NFIA: variants seen among roughly 807,000 people sequenced by gnomAD.
NFIA encodes the protein nuclear factor I A, also known as nuclear factor 1 A-type.
A neutral mutation model predicts 62.8 loss-of-function variants in NFIA; 8 were observed. That is an observed-to-expected ratio of 0.13 (90% CI 0.07 to 0.23). NFIA has a LOEUF of 0.23. Ranked by LOEUF, NFIA falls within the 10% of genes least tolerant of loss-of-function variation. NFIA has a pLI of 1.00. For missense variants in NFIA, 410 were observed against 642.1 expected, an observed-to-expected ratio of 0.64 and a Z score of 3.91; for synonymous variants, 235 against 238.1, an observed-to-expected ratio of 0.99 and a Z score of 0.12.
At chr1:61,286,301 G>T (rs1004062492) in intron 3 of NFIA, among the ~76,000 whole-genome samples, 1 of 151,702 alleles carries the variant, frequency 6.6e-6, no homozygotes, top group South Asian at 2.1e-4. Context: ...GGTTGCAGGC[G>T]CCTGTAGTCC....
intron 10 of NFIA, among the ~76,000 whole-genome samples, chr1:61,447,134 A>T (rs1044598823): frequency 6.6e-6 from 1 of 151,732 alleles, no homozygotes; most frequent in Non-Finnish European, 1.5e-5. Context: ...TGCCAAAAAA[A>T]TTTAAAAAAA....
intron 2 of NFIA, among the ~76,000 whole-genome samples, chr1:61,105,934 C>T (rs1453619362): frequency 1.3e-5 from 2 of 151,502 alleles, no homozygotes; most frequent in Admixed American, 6.6e-5. Context: ...CCTTGACTGT[C>T]GTGTGCCACT....
At chr1:61,308,805 TC>T in intron 3 of NFIA, among the ~76,000 whole-genome samples, 1 of 152,332 alleles carries the variant, frequency 6.6e-6, no homozygotes, top group Non-Finnish European at 1.5e-5. Flanking sequence ...CTATTGCTGT[TC>T]CTGCTGTTGT....
chr1:61,402,974 T>A (rs1250664588), intron 7 of NFIA, among the ~76,000 whole-genome samples: 1 of 152,224 alleles, frequency 6.6e-6, no homozygotes, highest in Admixed American at 6.5e-5. Flanking sequence ...CCTTTAGCCA[T>A]GCAAGTGGGA....
intron 3 of NFIA, among the ~76,000 whole-genome samples, chr1:61,286,405 G>T (rs546743671): frequency 6.8e-6 from 1 of 146,616 alleles, no homozygotes; most frequent in Non-Finnish European, 1.5e-5. Context: ...TCCAGCCTGG[G>T]TGACCGAGCG....
intron 6 of NFIA, among the ~76,000 whole-genome samples, chr1:61,363,386 C>A (rs1663402897): frequency 6.6e-6 from 1 of 152,090 alleles, no homozygotes; most frequent in African/African-American, 2.4e-5. Context: ...GGACGGATCA[C>A]CTGAGGTTGG....
chr1:61,168,558 C>T (rs1406439444), intron 2 of NFIA, among the ~76,000 whole-genome samples: 1 of 152,138 alleles, frequency 6.6e-6, no homozygotes, highest in African/African-American at 2.4e-5. Flanking sequence ...GCTTCAGTTT[C>T]CTAAACTAGA....
intron 2 of NFIA, among the ~76,000 whole-genome samples, chr1:61,153,103 A>G (rs1160472735): frequency 1.3e-5 from 2 of 152,198 alleles, no homozygotes; most frequent in Non-Finnish European, 2.9e-5. Flanking sequence ...TTTCTGATCA[A>G]TGAAACGAGT....
At position 61,426,490 on chromosome 1, in the gene NFIA, C is replaced by T. The variant is rs1286660443; in HGVS notation, c.1446C>T (p.Pro482=). The change falls in exon 10 of 11, where the codon CCC becomes CCT. Residue 482 remains proline (P), a synonymous_variant. Transcript: ENST00000403491. Reference sequence around the variant, plus strand: ...CCTACTCGACACCCAGCACCTCCCCCGCAAACCGATTCGTCAGTGTTGGAC... The same window carrying T: ...CCTACTCGACACCCAGCACCTCCCCTGCAAACCGATTCGTCAGTGTTGGAC... The part of the protein sequence containing the change: ...SPTYSTPSTS[P]ANRFVSVGPR... 30 of 1,551,990 alleles carry T rather than the reference C, an allele frequency of 1.9e-5. No homozygotes were observed. Among genetic ancestry groups the T allele is most frequent in the Non-Finnish European group, 2.5e-5 (29 of 1,147,034 alleles).
intron 10 of NFIA, among the ~76,000 whole-genome samples, chr1:61,442,441 C>A (rs1216775545): frequency 6.6e-6 from 1 of 152,024 alleles, no homozygotes; most frequent in Non-Finnish European, 1.5e-5. Flanking sequence ...ACTATTAAAT[C>A]AACTATCAAA....
chr1:61,193,742 A>G (rs1304570206), intron 2 of NFIA, among the ~76,000 whole-genome samples: 1 of 152,218 alleles, frequency 6.6e-6, no homozygotes, highest in African/African-American at 2.4e-5. Flanking sequence ...TAAAATTCTG[A>G]TGGTTAATGC....
At chr1:61,122,685 A>G (rs928393273) in intron 2 of NFIA, among the ~76,000 whole-genome samples, 3 of 152,234 alleles carry the variant, frequency 2.0e-5, no homozygotes, top group African/African-American at 4.8e-5. Context: ...TGTTTGGTCC[A>G]GAAACCAATG....
chr1:61,220,551 C>T (rs920945212), intron 2 of NFIA, among the ~76,000 whole-genome samples: 1 of 152,168 alleles, frequency 6.6e-6, no homozygotes, highest in Non-Finnish European at 1.5e-5. Flanking sequence ...AATCACTTTA[C>T]AATTCAAAGA....
chr1:61,391,561 T>C (rs953974253), intron 7 of NFIA, among the ~76,000 whole-genome samples: 6 of 151,936 alleles, frequency 3.9e-5, no homozygotes, highest in African/African-American at 1.5e-4. Flanking sequence ...ATATGTTTGG[T>C]TTTAATTAAG....
intron 2 of NFIA, among the ~76,000 whole-genome samples, chr1:61,173,044 A>T (rs761644458): frequency 4.6e-5 from 7 of 152,212 alleles, no homozygotes; most frequent in Non-Finnish European, 1.0e-4. Context: ...AGGAACCTGA[A>T]ACCTGAGTGC....
intron 2 of NFIA, among the ~76,000 whole-genome samples, chr1:61,178,608 G>T (rs1198325217): frequency 2.0e-5 from 3 of 152,166 alleles, no homozygotes; most frequent in African/African-American, 7.2e-5. Context: ...CTGTGGTAAG[G>T]CTGCAGCCTT....
At chr1:61,252,817 A>G (rs1570456538) in intron 2 of NFIA, among the ~76,000 whole-genome samples, 1 of 152,218 alleles carries the variant, frequency 6.6e-6, no homozygotes, top group African/African-American at 2.4e-5. Context: ...TATCTTCTTC[A>G]TCCATTTTTT....
At chr1:61,309,694 G>T (rs1465727447) in intron 3 of NFIA, among the ~76,000 whole-genome samples, 3 of 152,294 alleles carry the variant, frequency 2.0e-5, no homozygotes, top group East Asian at 1.9e-4. Context: ...TTTGAGAGCA[G>T]CCTGACCAAC....
In NFIA at chr1:61,460,812, G is replaced by A. The variant is rs80246451; in HGVS notation, c.*5492G>A. ...ATAACCGTACAATATTAATGCATGCGATTCCATAATGCTTAGTGAACTGTA... is the reference window on the plus strand; with the variant it reads ...ATAACCGTACAATATTAATGCATGCAATTCCATAATGCTTAGTGAACTGTA... On this transcript the variant is annotated 3_prime_UTR_variant, in exon 11 of 11. Coordinates refer to ENST00000403491, the MANE Select transcript of NFIA (RefSeq NM_001134673.4). 2.0e-5 allele frequency: 3 copies of A among 152,118 alleles called. No individual in the cohort carries two copies. The highest frequency in any genetic ancestry group is 3.9e-4 in the East Asian group (2 of 5,192). The allele number at this position is 152,118 out of a possible 1,614,324, so 9.4% of individuals were successfully genotyped here.
Sources: allele counts gnomAD v4.1 joint callset (sites outside exome capture counted in the v4.1 genomes callset), GRCh38; gene constraint gnomAD v4.1.1; transcripts MANE v1.5; gene names NCBI Gene and HGNC (gene_info 2026-07-23, HGNC 2026-07-21).